Variants in DYM observed in about 807,000 individuals in gnomAD.
DYM encodes dymeclin.
A neutral mutation model predicts 93.1 loss-of-function variants in DYM; 78 were observed. The ratio of observed to expected loss-of-function variants is 0.84; its 90% confidence interval spans 0.70 to 1.01. DYM has a LOEUF of 1.01. DYM is among the 50% of genes least tolerant of loss of function. The pLI, the probability that DYM is intolerant of heterozygous loss-of-function variation, is 0.00. For missense variants in DYM, 789 were observed against 845.0 expected, an observed-to-expected ratio of 0.93 and a Z score of 0.82; for synonymous variants, 321 against 319.7, an observed-to-expected ratio of 1.00 and a Z score of -0.04.
At chr18:49,112,369 G>T (rs1306358872) in intron 16 of DYM, among the ~76,000 whole-genome samples, 1 of 152,014 alleles carries the variant, frequency 6.6e-6, no homozygotes, top group Non-Finnish European at 1.5e-5. Flanking sequence ...TCAACCTTTA[G>T]CAAGTTATTA....
At chr18:49,075,178 A>C (rs1236956667) in intron 17 of DYM, among the ~76,000 whole-genome samples, 4 of 152,178 alleles carry the variant, frequency 2.6e-5, no homozygotes, top group Admixed American at 6.5e-5. Flanking sequence ...AAGGACCTCA[A>C]GTACTTATGA....
At chr18:49,175,008 G>T (rs2089223926) in intron 14 of DYM, among the ~76,000 whole-genome samples, 1 of 152,168 alleles carries the variant, frequency 6.6e-6, no homozygotes, top group Admixed American at 6.5e-5. Flanking sequence ...TTTACTTGCA[G>T]ATTATAATAG....
chr18:49,252,306 G>A (rs1469269724), intron 13 of DYM, among the ~76,000 whole-genome samples: 2 of 146,804 alleles, frequency 1.4e-5, no homozygotes, highest in Non-Finnish European at 3.0e-5. Flanking sequence ...GTCCAGCACA[G>A]CTGGGGAGGC....
chr18:49,071,937 A>G (rs981907142), intron 17 of DYM, among the ~76,000 whole-genome samples: 4 of 152,178 alleles, frequency 2.6e-5, no homozygotes, highest in African/African-American at 9.7e-5. Context: ...CACAGCCATA[A>G]TAACTGCCAC....
chr18:49,218,205 C>T (rs1026114083), intron 13 of DYM, among the ~76,000 whole-genome samples: 2 of 152,208 alleles, frequency 1.3e-5, no homozygotes, highest in Admixed American at 6.5e-5. Context: ...GAAGAGCTAA[C>T]TATCCTAAAT....
chr18:49,371,938 T>G (rs1355264986), intron 5 of DYM, among the ~76,000 whole-genome samples: 2 of 152,190 alleles, frequency 1.3e-5, no homozygotes, highest in African/African-American at 4.8e-5. Context: ...ACTGCTTCAC[T>G]GAAAATGCCA....
In DYM at chr18:49,225,152, A is replaced by G. The variant is rs112900493; in HGVS notation, c.1461-15437T>C. On this transcript the variant is annotated intron_variant, in intron 13 of 17. Coordinates refer to ENST00000675505, the MANE Select transcript of DYM (RefSeq NM_001353214.3). The stretch of plus-strand genomic sequence containing the variant: ...TAATCCCATTGATTAGCTCATTCAC[A>G]TGCATTAAATATGCATTAAGTTTCC... Among the ~76,000 whole-genome samples, 1,070 of 152,312 alleles carry G rather than the reference A, an allele frequency of 7.0e-3. 7 individuals are homozygous for G. Among genetic ancestry groups the G allele is most frequent in the Non-Finnish European group, 0.012 (830 of 68,012 alleles).
chr18:49,320,255 C>T (rs1000289889), intron 8 of DYM, among the ~76,000 whole-genome samples: 4 of 151,964 alleles, frequency 2.6e-5, no homozygotes, highest in Non-Finnish European at 5.9e-5. Context: ...TATTTTCCTC[C>T]AACACTTATT....
chr18:49,190,903 T>C (rs1310556618), intron 14 of DYM, among the ~76,000 whole-genome samples: 1 of 152,220 alleles, frequency 6.6e-6, no homozygotes, highest in Non-Finnish European at 1.5e-5. Context: ...CAGCTTACTT[T>C]ATAGTAGAAA....
chr18:49,137,106 A>T (rs1318736236), intron 15 of DYM, among the ~76,000 whole-genome samples: 1 of 152,208 alleles, frequency 6.6e-6, no homozygotes, highest in Non-Finnish European at 1.5e-5. Flanking sequence ...TTTGCATAGG[A>T]CAATCCTATC....
At chr18:49,144,325 A>T (rs1483711774) in intron 15 of DYM, among the ~76,000 whole-genome samples, 1 of 151,552 alleles carries the variant, frequency 6.6e-6, no homozygotes, top group African/African-American at 2.4e-5. Flanking sequence ...TTTTTGCAAG[A>T]CTACTTCATA....
Position 49,118,845 on chromosome 18 carries a change from G to T in DYM, c.1810C>A (p.His604Asn), listed in dbSNP as rs1262372166. 2 of 1,614,064 alleles carry T rather than the reference G, an allele frequency of 1.2e-6. No homozygotes were observed. The highest frequency in any genetic ancestry group is 1.7e-6 in the Non-Finnish European group (2 of 1,179,968). Reference sequence around the variant, plus strand: ...AGGGCGTATACCAAGTTTGGGTTGTGGTGAAGGGAATTTGTCAGGCAGGAG... The same window carrying T: ...AGGGCGTATACCAAGTTTGGGTTGTTGTGAAGGGAATTTGTCAGGCAGGAG... ...INSCLTNSLHHNPNLVYALLY... is the reference protein window; with the variant it reads ...INSCLTNSLHNNPNLVYALLY... Residue 604 changes from histidine to asparagine, a missense_variant, in exon 16 of 18, where the codon CAC becomes AAC. By Grantham distance (68) the His-to-Asn change is moderately conservative. Transcript: ENST00000675505.
At chr18:49,369,182 G>C (rs985988132) in intron 5 of DYM, among the ~76,000 whole-genome samples, 1 of 152,198 alleles carries the variant, frequency 6.6e-6, no homozygotes, top group African/African-American at 2.4e-5. Flanking sequence ...GTAAAATCCT[G>C]GTGCCAGCAT....
At chr18:49,204,816 G>A (rs190599608) in intron 14 of DYM, among the ~76,000 whole-genome samples, 3 of 152,144 alleles carry the variant, frequency 2.0e-5, no homozygotes, top group African/African-American at 7.2e-5. Context: ...TTGATTTCTA[G>A]AGAAGTCAAA....
At position 49,324,884 on chromosome 18, in the gene DYM, A is replaced by G. The variant is rs370229267; in HGVS notation, c.763+6980T>C. Among the ~76,000 whole-genome samples, 19 of 152,282 alleles carry G rather than the reference A, an allele frequency of 1.2e-4. No homozygotes were observed. In the East Asian group the frequency reaches 3.1e-3, roughly 25 times the overall value. ...TATTCCTCACAATAACTCTGTTCAA[A>G]TGGTCTCATATTTATCAGCATTACA... is the stretch of plus-strand genomic sequence containing the variant. On this transcript the variant is annotated intron_variant, in intron 8 of 17. Transcript: ENST00000675505.
chr18:49,454,040 C>T (rs935440018), intron 1 of DYM, among the ~76,000 whole-genome samples: 1 of 152,166 alleles, frequency 6.6e-6, no homozygotes, highest in Non-Finnish European at 1.5e-5. Context: ...AATCAAACTC[C>T]AAATGATGCT....
Position 49,430,376 on chromosome 18 carries a change from T to C in DYM, c.19A>G (p.Arg7Gly). 1.2e-6 allele frequency: 2 copies of C among 1,613,934 alleles called. No homozygotes were observed. The highest frequency in any genetic ancestry group is 1.7e-6 in the Non-Finnish European group (2 of 1,180,000). The change falls in exon 2 of 18, where the codon AGA becomes GGA. Residue 7 changes from arginine (R) to glycine (G), a missense_variant. By Grantham distance (125) the Arg-to-Gly change is moderately radical. This residue lies in a region of DYM where 450 missense variants were observed against 436.2 expected (regional missense o/e 1.03). Coordinates refer to ENST00000675505, the MANE Select transcript of DYM (RefSeq NM_001353214.3). MGSNSS[R>G]IGDLPKNEYL... ...TCATTTTTAGGAAGATCGCCGATTC[T>C]GCTGCTATTCGATCCCATCTTCTAG...
intron 15 of DYM, among the ~76,000 whole-genome samples, chr18:49,144,734 C>G (rs2084897035): frequency 1.3e-5 from 2 of 152,058 alleles, no homozygotes; most frequent in Non-Finnish European, 2.9e-5. Flanking sequence ...TATTCAAATT[C>G]AAGATCAAAG....
intron 17 of DYM, among the ~76,000 whole-genome samples, chr18:49,079,161 C>T (rs2077562974): frequency 6.6e-6 from 1 of 152,120 alleles, no homozygotes; most frequent in South Asian, 2.1e-4. Context: ...GAGACATCTC[C>T]TTTCTCTGCT....
Sources: allele counts gnomAD v4.1 joint callset (sites outside exome capture counted in the v4.1 genomes callset), GRCh38; gene constraint gnomAD v4.1.1; regional missense constraint gnomAD v4.1.1; transcripts MANE v1.5; gene names NCBI Gene and HGNC (gene_info 2026-07-23, HGNC 2026-07-21).